Variants in PPP2R5A observed in about 807,000 individuals in gnomAD.
PPP2R5A encodes protein phosphatase 2 regulatory subunit B'alpha.
PPP2R5A carries 25 observed loss-of-function variants against 64.2 expected under a neutral mutation model. The observed-to-expected ratio is 0.39, with a 90% CI of 0.28 to 0.54. The LOEUF is 0.54. PPP2R5A is among the 20% of genes least tolerant of loss of function. The pLI, the probability that PPP2R5A is intolerant of heterozygous loss-of-function variation, is 0.67. For missense variants in PPP2R5A, 425 were observed against 576.3 expected (o/e 0.74, Z 2.69); for synonymous variants, 198 against 201.2 (o/e 0.98, Z 0.13).
chr1:212,360,927 C>A lies in PPP2R5A; in HGVS notation c.*157C>A. On this transcript the variant is annotated 3_prime_UTR_variant, in exon 13 of 13. Coordinates refer to ENST00000261461, the MANE Select transcript of PPP2R5A (RefSeq NM_006243.4). ...AAAAATATATGGACTAAACGTAGCCCTGTGCTGTATCATGGCCATAGTATA... is the reference window on the plus strand; with the variant it reads ...AAAAATATATGGACTAAACGTAGCCATGTGCTGTATCATGGCCATAGTATA... 1.8e-6 allele frequency: 1 copy of A among 564,330 alleles called. No homozygotes were observed. The highest frequency in any genetic ancestry group is 2.8e-6 in the Non-Finnish European group (1 of 354,900). The allele number at this position is 564,330 out of a possible 1,614,324, so 35.0% of individuals were successfully genotyped here.
chr1:212,329,019 C>A, intron 1 of PPP2R5A, 116 bp from the exon 2 acceptor site: 5 of 696,768 alleles, frequency 7.2e-6, no homozygotes, highest in Non-Finnish European at 1.1e-5. Flanking sequence ...GCACATTTCT[C>A]ACTAGATTTT....
Position 212,286,267 on chromosome 1 carries a change from C to T in PPP2R5A, c.157C>T (p.Leu53=). Residue 53 remains leucine, a synonymous_variant, in exon 1 of 13, where the codon CTG becomes TTG. Transcript: ENST00000261461. Reference sequence around the variant, plus strand: ...TCGCAGCCAGGGCAGCCAGGCAGAGCTGCACCCGCTGCCCCAGCTCAAAGG... The same window carrying T: ...TCGCAGCCAGGGCAGCCAGGCAGAGTTGCACCCGCTGCCCCAGCTCAAAGG... ...QFRSQGSQAE[L]HPLPQLKDAT... is the part of the protein sequence containing the mutation. The T allele has an allele frequency of 6.5e-7, 1 of 1,532,722 alleles. No homozygotes were observed. 94.9% of individuals were successfully genotyped at this position (1,532,722 alleles called of 1,614,324 possible).
At chr1:212,295,170 A>G (rs1658669630) in intron 1 of PPP2R5A, among the ~76,000 whole-genome samples, 1 of 152,236 alleles carries the variant, frequency 6.6e-6, no homozygotes, top group Admixed American at 6.5e-5. Context: ...GTATTGGGAA[A>G]TCAGAGTGAG....
intron 5 of PPP2R5A, among the ~76,000 whole-genome samples, chr1:212,346,134 G>A (rs764181451): frequency 3.3e-5 from 5 of 151,958 alleles, no homozygotes; most frequent in Non-Finnish European, 5.9e-5. Flanking sequence ...GCCAAGTAGT[G>A]AGACTACAGG....
intron 1 of PPP2R5A, among the ~76,000 whole-genome samples, chr1:212,314,070 A>G (rs994277667): frequency 2.6e-5 from 4 of 152,202 alleles, no homozygotes; most frequent in African/African-American, 9.7e-5. Context: ...TATATTCATA[A>G]GAGCTTTGCT....
At chr1:212,312,321 A>G (rs916847136) in intron 1 of PPP2R5A, among the ~76,000 whole-genome samples, 2 of 152,140 alleles carry the variant, frequency 1.3e-5, no homozygotes, top group Non-Finnish European at 2.9e-5. Flanking sequence ...CTCAGAATGT[A>G]TTTCTGTCAT....
intron 8 of PPP2R5A, among the ~76,000 whole-genome samples, chr1:212,350,496 A>G (rs1558154294): frequency 6.6e-6 from 1 of 152,032 alleles, no homozygotes; most frequent in African/African-American, 2.4e-5. Context: ...TCTAGTTAAA[A>G]TACAAAAATT....
chr1:212,319,947 GTTTTTTTT>G (rs71137742), intron 1 of PPP2R5A, among the ~76,000 whole-genome samples: 17 of 103,356 alleles, frequency 1.6e-4, no homozygotes, highest in African/African-American at 5.8e-4. Flanking sequence ...CTTACAGATT[GTTTTTTTT>G]TTTTTTTTTT....
intron 1 of PPP2R5A, among the ~76,000 whole-genome samples, chr1:212,305,793 C>A (rs1392556505): frequency 6.6e-6 from 1 of 152,020 alleles, no homozygotes; most frequent in Non-Finnish European, 1.5e-5. Context: ...TCTATCATTA[C>A]AAAATGACTC....
In PPP2R5A at chr1:212,321,186, G is replaced by A. The variant is rs531534439; in HGVS notation, c.182-7949G>A. On this transcript the variant is annotated intron_variant, in intron 1 of 12. Coordinates refer to ENST00000261461, the MANE Select transcript of PPP2R5A (RefSeq NM_006243.4). Reference sequence around the variant, plus strand: ...TCCTGGATGGGGCGGCTGGCCAGGCGGGGGGCTGACCCCCCCACATCCTTC... The same window carrying A: ...TCCTGGATGGGGCGGCTGGCCAGGCAGGGGGCTGACCCCCCCACATCCTTC... Among the ~76,000 whole-genome samples the A allele has an allele frequency of 1.1e-4, 16 of 146,698 alleles. No homozygotes were observed. The East Asian group carries it at 2.1e-3, about 19-fold the overall frequency.
intron 1 of PPP2R5A, among the ~76,000 whole-genome samples, chr1:212,306,359 G>GA (rs1034854105): frequency 3.1e-4 from 28 of 89,512 alleles, no homozygotes; most frequent in African/African-American, 1.3e-3. Flanking sequence ...GAAGAATGGA[G>GA]GGGGGGTAAC....
In PPP2R5A at chr1:212,357,199, C is replaced by T. The variant is rs1659991980; in HGVS notation, c.1141C>T (p.Leu381Phe). The change falls in exon 11 of 13, where the codon CTT (leucine) becomes TTT (phenylalanine). Residue 381 changes from leucine to phenylalanine, a missense_variant. Physicochemically the swap from Leu to Phe is conservative, Grantham distance 22. Around this residue, in one of 4 missense-constraint regions of PPP2R5A, gnomAD observed 177 missense variants for 244.8 expected, o/e 0.72. Coordinates refer to ENST00000261461, the MANE Select transcript of PPP2R5A (RefSeq NM_006243.4). ...GTACTTCTGGAATAACGAATATATTCTTAGTTTGATTGAGGAGAACATTGA... is the reference window on the plus strand; with the variant it reads ...GTACTTCTGGAATAACGAATATATTTTTAGTTTGATTGAGGAGAACATTGA... ...ALYFWNNEYILSLIEENIDKI... is the reference protein window; with the variant it reads ...ALYFWNNEYIFSLIEENIDKI... 2.5e-6 allele frequency: 4 copies of T among 1,591,416 alleles called. No individual in the cohort carries two copies. Among genetic ancestry groups the T allele is most frequent in the Admixed American group, 1.9e-5 (1 of 53,976 alleles).
chr1:212,309,737 C>T (rs1001720159), intron 1 of PPP2R5A, among the ~76,000 whole-genome samples: 1 of 152,056 alleles, frequency 6.6e-6, no homozygotes, highest in Non-Finnish European at 1.5e-5. Context: ...GGTATCCAAC[C>T]TTTTGGCTTC....
At chr1:212,316,287 A>G (rs1257501020) in intron 1 of PPP2R5A, among the ~76,000 whole-genome samples, 1 of 152,216 alleles carries the variant, frequency 6.6e-6, no homozygotes, top group Non-Finnish European at 1.5e-5. Context: ...CTTGAAGGAC[A>G]TTAAAAGTGC....
chr1:212,309,141 GGT>G (rs1658976910), intron 1 of PPP2R5A: 1 of 1,129,852 alleles, frequency 8.9e-7, no homozygotes, highest in Admixed American at 1.7e-5. Context: ...GCCGAATCAG[GGT>G]GTTGACCTTG....
chr1:212,321,914 A>G (rs1253097753), intron 1 of PPP2R5A, among the ~76,000 whole-genome samples: 2 of 151,566 alleles, frequency 1.3e-5, no homozygotes, highest in African/African-American at 2.4e-5. Context: ...CACTGAGTGA[A>G]CGCGACTCCG....
intron 1 of PPP2R5A, among the ~76,000 whole-genome samples, chr1:212,303,470 A>G (rs142925904): frequency 2.0e-5 from 3 of 150,602 alleles, no homozygotes; most frequent in African/African-American, 4.9e-5. Context: ...AATTCTTTAT[A>G]TGTCCTTGAT....
At chr1:212,286,717 AG>A (rs1658511043) in intron 1 of PPP2R5A, among the ~76,000 whole-genome samples, 1 of 152,126 alleles carries the variant, frequency 6.6e-6, no homozygotes, top group Admixed American at 6.5e-5. Flanking sequence ...ACTTTTAGCT[AG>A]TCCTTTACTT....
At chr1:212,321,849 G>A (rs905069492) in intron 1 of PPP2R5A, among the ~76,000 whole-genome samples, 3 of 150,672 alleles carry the variant, frequency 2.0e-5, no homozygotes, top group African/African-American at 7.3e-5. Flanking sequence ...CTGGGAGGTG[G>A]AGGTTGTAGC....
Sources: allele counts gnomAD v4.1 joint callset (sites outside exome capture counted in the v4.1 genomes callset), GRCh38; gene constraint gnomAD v4.1.1; regional missense constraint gnomAD v4.1.1; transcripts MANE v1.5; gene names NCBI Gene and HGNC (gene_info 2026-07-23, HGNC 2026-07-21).